The following RAB3C variants were observed in gnomAD, a reference collection of about 807,000 sequenced individuals.
The protein encoded by RAB3C is ras-related protein Rab-3C.
A neutral mutation model predicts 26.4 loss-of-function variants in RAB3C; 17 were observed. The observed-to-expected ratio is 0.64, with a 90% confidence interval of 0.44 to 0.97. The LOEUF is 0.97. RAB3C is among the 50% of genes least tolerant of loss of function. The pLI, the probability that RAB3C is intolerant of heterozygous loss-of-function variation, is 0.00. For missense variants in RAB3C, 242 were observed against 281.9 expected, an observed-to-expected ratio of 0.86 and a Z score of 1.01; for synonymous variants, 91 against 95.9, an observed-to-expected ratio of 0.95 and a Z score of 0.30.
At chr5:58,650,099 G>A (rs1039173079) in intron 2 of RAB3C, among the ~76,000 whole-genome samples, 2 of 152,160 alleles carry the variant, frequency 1.3e-5, no homozygotes, top group African/African-American at 4.8e-5. Flanking sequence ...GAAAGAAATT[G>A]CATAATATTG....
At chr5:58,710,568 T>C (rs1018615002) in intron 2 of RAB3C, among the ~76,000 whole-genome samples, 4 of 151,282 alleles carry the variant, frequency 2.6e-5, no homozygotes, top group African/African-American at 9.7e-5. Flanking sequence ...CACTGCACTC[T>C]AGCCTGGGCA....
At chr5:58,811,780 TC>T (rs1176722953) in intron 3 of RAB3C, among the ~76,000 whole-genome samples, 3 of 151,482 alleles carry the variant, frequency 2.0e-5, no homozygotes, top group Admixed American at 1.3e-4. Context: ...CCAGGACCAA[TC>T]CCCAGACCCA....
chr5:58,859,074 G>A lies in RAB3C; in HGVS notation c.*7723G>A, dbSNP rs755791674. ...GCCCCTTCTCAGTGACTGCACTGTG[G>A]AACTCTTCTTAAGAAAATATTGAAA... On this transcript the variant is annotated 3_prime_UTR_variant, in exon 5 of 5. Coordinates refer to ENST00000282878, the MANE Select transcript of RAB3C (RefSeq NM_138453.4). 2 of 152,164 alleles carry A rather than the reference G, an allele frequency of 1.3e-5. No homozygotes were observed. Among genetic ancestry groups the A allele is most frequent in the Non-Finnish European group, 2.9e-5 (2 of 68,030 alleles). The allele number at this position is 152,164 out of a possible 1,614,324, so 9.4% of individuals were successfully genotyped here. A position where few individuals can be genotyped will look rare whatever the true frequency, so the allele number is the denominator to read the frequency against.
At chr5:58,795,559 A>G (rs1742626873) in intron 3 of RAB3C, among the ~76,000 whole-genome samples, 1 of 152,202 alleles carries the variant, frequency 6.6e-6, no homozygotes, top group South Asian at 2.1e-4. Flanking sequence ...CTGAAACTGC[A>G]TGTTGTACTT....
At chr5:58,758,224 G>A (rs189157829) in intron 3 of RAB3C, among the ~76,000 whole-genome samples, 144 of 152,256 alleles carry the variant, frequency 9.5e-4, no homozygotes, top group African/African-American at 2.8e-3. Context: ...GATTACAGAC[G>A]TGAGCCACGG....
At chr5:58,726,522 A>C (rs189422168) in intron 3 of RAB3C, among the ~76,000 whole-genome samples, 230 of 152,062 alleles carry the variant, frequency 1.5e-3, no homozygotes, top group African/African-American at 5.3e-3. Flanking sequence ...TTTTATTAGA[A>C]TACACTCCCC....
intron 2 of RAB3C, among the ~76,000 whole-genome samples, chr5:58,695,130 G>T (rs1414075429): frequency 2.6e-5 from 4 of 152,190 alleles, no homozygotes; most frequent in African/African-American, 9.6e-5. Flanking sequence ...AAGGGATCCA[G>T]CTTCAGCTTT....
chr5:58,777,612 G>A (rs916477252), intron 3 of RAB3C, among the ~76,000 whole-genome samples: 2 of 51,326 alleles, frequency 3.9e-5, no homozygotes, highest in African/African-American at 7.6e-5. Context: ...TTTTTTTTTT[G>A]TACTTTAAGT....
intron 3 of RAB3C, among the ~76,000 whole-genome samples, chr5:58,801,306 G>C (rs1742803685): frequency 2.0e-5 from 3 of 152,198 alleles, no homozygotes; most frequent in African/African-American, 7.2e-5. Context: ...GATGAACGAT[G>C]GGATGAGGAA....
intron 3 of RAB3C, among the ~76,000 whole-genome samples, chr5:58,767,391 C>T (rs1036538806): frequency 6.6e-6 from 1 of 152,216 alleles, no homozygotes; most frequent in African/African-American, 2.4e-5. Context: ...TTATTCTACA[C>T]ACTCATTTCA....
chr5:58,847,603 C>T (rs1390300747), intron 4 of RAB3C, among the ~76,000 whole-genome samples: 1 of 152,108 alleles, frequency 6.6e-6, no homozygotes, highest in East Asian at 1.9e-4. Flanking sequence ...GCTTTAAGCA[C>T]CCATGGGCAC....
At chr5:58,610,499 A>C (rs1354391947) in intron 1 of RAB3C, among the ~76,000 whole-genome samples, 1 of 152,062 alleles carries the variant, frequency 6.6e-6, no homozygotes, top group Non-Finnish European at 1.5e-5. Flanking sequence ...TCTAATATTA[A>C]CAATGTTGAG....
intron 2 of RAB3C, among the ~76,000 whole-genome samples, chr5:58,715,647 A>G (rs1749155201): frequency 6.6e-6 from 1 of 152,160 alleles, no homozygotes; most frequent in African/African-American, 2.4e-5. Flanking sequence ...TGGTTCTGGA[A>G]TACAGAAGTG....
chr5:58,582,257 C>G (rs531244832), upstream of RAB3C: 7 of 224,324 alleles, frequency 3.1e-5, no homozygotes, highest in Admixed American at 6.5e-5. Flanking sequence ...TTCTCCACAT[C>G]CCTCCTTTTT....
chr5:58,788,455 A>G (rs1742443124), intron 3 of RAB3C: 1 of 152,244 alleles, frequency 6.6e-6, no homozygotes. Flanking sequence ...TTTTATGTAA[A>G]TGAAGGGAAA....
intron 2 of RAB3C, among the ~76,000 whole-genome samples, chr5:58,625,603 A>C (rs1262839454): frequency 6.6e-6 from 1 of 152,124 alleles, no homozygotes; most frequent in Non-Finnish European, 1.5e-5. Flanking sequence ...TTATGCCTGT[A>C]ATCCCAGCAC....
intron 2 of RAB3C, among the ~76,000 whole-genome samples, chr5:58,719,902 C>G (rs1287305245): frequency 6.6e-6 from 1 of 151,874 alleles, no homozygotes; most frequent in Non-Finnish European, 1.5e-5. Flanking sequence ...TAACCAAACA[C>G]CACCTGTTCC....
At chr5:58,679,870 C>T (rs1266596516) in intron 2 of RAB3C, among the ~76,000 whole-genome samples, 1 of 152,114 alleles carries the variant, frequency 6.6e-6, no homozygotes, top group Non-Finnish European at 1.5e-5. Flanking sequence ...GTACACATAT[C>T]CTTTAGGCAA....
chr5:58,684,943 A>G (rs1040173587), intron 2 of RAB3C, among the ~76,000 whole-genome samples: 3 of 152,214 alleles, frequency 2.0e-5, no homozygotes, highest in East Asian at 1.9e-4. Context: ...GATTATCACA[A>G]TGTGTTACTG....
Sources: allele counts gnomAD v4.1 joint callset (sites outside exome capture counted in the v4.1 genomes callset), GRCh38; gene constraint gnomAD v4.1.1; transcripts MANE v1.5; gene names NCBI Gene and HGNC (gene_info 2026-07-23, HGNC 2026-07-21).